Variants in ARHGEF10 observed in about 807,000 individuals in gnomAD.
The protein encoded by ARHGEF10 is Rho guanine nucleotide exchange factor (GEF) 10.
In ARHGEF10, 140 loss-of-function variants were observed where a neutral mutation model predicts 147.4. That is an observed-to-expected ratio of 0.95 (90% confidence interval 0.83 to 1.09). The LOEUF (loss-of-function observed/expected upper bound fraction) is 1.09, where lower values mean the gene tolerates loss of function less well. Ranked by LOEUF, ARHGEF10 falls within the 50% of genes least tolerant of loss-of-function variation. ARHGEF10 has a pLI of 0.00. For missense variants in ARHGEF10, 2,222 were observed against 1,752.7 expected (o/e 1.27, Z -4.78); for synonymous variants, 902 against 695.8 (o/e 1.30, Z -4.67).
chr8:1,849,945 CAG>C (rs1283638206), intron 2 of ARHGEF10, among the ~76,000 whole-genome samples: 24 of 127,978 alleles, frequency 1.9e-4, no homozygotes, highest in South Asian at 5.3e-4. Flanking sequence ...TGCGTGGACA[CAG>C]AGGGCAAATG....
At chr8:1,844,596 A>C (rs149844306) in intron 2 of ARHGEF10, among the ~76,000 whole-genome samples, 1 of 152,232 alleles carries the variant, frequency 6.6e-6, no homozygotes, top group East Asian at 1.9e-4. Flanking sequence ...CGGAGCCGCA[A>C]GACCACGGGG....
intron 9 of ARHGEF10, among the ~76,000 whole-genome samples, chr8:1,880,504 T>G (rs956031037): frequency 6.6e-6 from 1 of 152,206 alleles, no homozygotes; most frequent in Non-Finnish European, 1.5e-5. Context: ...TTCATCAATG[T>G]TATTTAAGAT....
intron 8 of ARHGEF10, among the ~76,000 whole-genome samples, chr8:1,878,837 C>T (rs962465329): frequency 1.3e-5 from 2 of 152,134 alleles, no homozygotes; most frequent in African/African-American, 2.4e-5. Context: ...GGCGAAGGAG[C>T]TGGGGAAAGC....
In ARHGEF10 at chr8:1,843,412, G is replaced by C; in HGVS notation, c.13G>C (p.Glu5Gln). ...CTGGAGCTGCAGCATGGACCAGCGA[G>C]AGCCCCTGCCTCCCGCTCCTGCAGG... is the stretch of plus-strand genomic sequence containing the variant. MDQR[E>Q]PLPPAPAENE... is the part of the protein sequence containing the mutation. The change falls in exon 2 of 29, where the codon GAG (glutamate) becomes CAG (glutamine). Residue 5 changes from glutamate (E) to glutamine (Q), a missense_variant. Physicochemically the swap from Glu to Gln is conservative, Grantham distance 29. Transcript: ENST00000349830. 1.2e-6 allele frequency: 2 copies of C among 1,613,282 alleles called. No individual in the cohort carries two copies. Among genetic ancestry groups the C allele is most frequent in the Non-Finnish European group, 1.7e-6 (2 of 1,179,982 alleles).
At chr8:1,832,846 GCA>G (rs1803270875) in intron 1 of ARHGEF10, among the ~76,000 whole-genome samples, 1 of 68,512 alleles carries the variant, frequency 1.5e-5, no homozygotes, top group African/African-American at 5.9e-5. Flanking sequence ...AGAGACAGAG[GCA>G]GAGAGAGACA....
chr8:1,827,661 C>G (rs1475593834), intron 1 of ARHGEF10, among the ~76,000 whole-genome samples: 8 of 152,284 alleles, frequency 5.3e-5, no homozygotes, highest in Non-Finnish European at 7.4e-5. Flanking sequence ...ATTGCCATTT[C>G]CTGCTTTTTG....
chr8:1,887,383 C>T (rs1024372918), intron 11 of ARHGEF10, among the ~76,000 whole-genome samples: 6 of 151,950 alleles, frequency 3.9e-5, no homozygotes, highest in African/African-American at 1.2e-4. Context: ...GGGCAGGATG[C>T]GGGGGTGAGT....
intron 26 of ARHGEF10, among the ~76,000 whole-genome samples, chr8:1,941,657 A>G (rs1814102224): frequency 6.6e-6 from 1 of 152,164 alleles, no homozygotes; most frequent in South Asian, 2.1e-4. Flanking sequence ...GAATAGCCAA[A>G]ACAATCTAGA....
At chr8:1,845,261 C>T (rs927170850) in intron 2 of ARHGEF10, among the ~76,000 whole-genome samples, 2 of 152,324 alleles carry the variant, frequency 1.3e-5, no homozygotes, top group South Asian at 2.1e-4. Context: ...TTACCCTCCA[C>T]GGGCCCACTT....
chr8:1,873,875 A>G (rs1009922143), intron 7 of ARHGEF10, among the ~76,000 whole-genome samples: 5 of 145,014 alleles, frequency 3.4e-5, no homozygotes, highest in Admixed American at 2.8e-4. Context: ...TTTTTTTTTT[A>G]TTGTGTCAGG....
At chr8:1,873,972 G>T (rs537221701) in intron 7 of ARHGEF10, among the ~76,000 whole-genome samples, 2 of 152,204 alleles carry the variant, frequency 1.3e-5, no homozygotes, top group Non-Finnish European at 2.9e-5. Context: ...GCCTCCATAG[G>T]CCACTTTTTA....
chr8:1,903,504 A>T, intron 16 of ARHGEF10, 53 bp downstream of exon 16: 1 of 1,603,142 alleles, frequency 6.2e-7, no homozygotes, highest in Non-Finnish European at 8.5e-7. Flanking sequence ...GCTTTGTGCT[A>T]ATAAGCTGTC....
intron 1 of ARHGEF10, among the ~76,000 whole-genome samples, chr8:1,828,156 C>T (rs923101156): frequency 5.9e-5 from 9 of 152,212 alleles, no homozygotes; most frequent in Admixed American, 5.2e-4. Flanking sequence ...CCAGGTGAGT[C>T]GGGGTGAGTC....
chr8:1,832,088 G>A (rs1418047719), intron 1 of ARHGEF10, among the ~76,000 whole-genome samples: 1 of 152,144 alleles, frequency 6.6e-6, no homozygotes, highest in Non-Finnish European at 1.5e-5. Context: ...GTGGGTCGAG[G>A]GTGGTTTAGT....
intron 2 of ARHGEF10, among the ~76,000 whole-genome samples, chr8:1,854,579 A>T (rs1410618109): frequency 6.6e-6 from 1 of 152,184 alleles, no homozygotes; most frequent in African/African-American, 2.4e-5. Context: ...GACAGCAGAG[A>T]GCTCTTGAAT....
At chr8:1,929,745 G>C (rs1812971751) in intron 25 of ARHGEF10, among the ~76,000 whole-genome samples, 1 of 152,210 alleles carries the variant, frequency 6.6e-6, no homozygotes, top group Non-Finnish European at 1.5e-5. Context: ...GCCTCCTTCA[G>C]CATGTCCTGC....
chr8:1,874,550 G>A (rs1051056343), intron 7 of ARHGEF10, among the ~76,000 whole-genome samples: 1 of 152,260 alleles, frequency 6.6e-6, no homozygotes, highest in South Asian at 2.1e-4. Flanking sequence ...CGAGGAAATA[G>A]GGGATGGAGT....
chr8:1,911,502 G>T lies in ARHGEF10; in HGVS notation c.2143+2032G>T, dbSNP rs1811351250. ...CTAATTCTGTATGTGTCTGAAGATA[G>T]AACTCAAGTCAGAATTCTCTGGGGC... On this transcript the variant is annotated intron_variant, in intron 18 of 28. Coordinates refer to ENST00000349830, the MANE Select transcript of ARHGEF10 (RefSeq NM_014629.4). Among the ~76,000 whole-genome samples, 4 of 152,190 alleles carry T rather than the reference G, an allele frequency of 2.6e-5. No homozygotes were observed. In the South Asian group the frequency reaches 8.3e-4, roughly 31 times the overall value.
At chr8:1,866,665 G>GGGCC in intron 6 of ARHGEF10, 63 bp downstream of exon 6, 1 of 1,491,478 alleles carries the variant, frequency 6.7e-7, no homozygotes, top group Non-Finnish European at 9.2e-7. Context: ...CACTGCGGCG[G>GGGCC]GGCCGGGTCC....
Sources: gnomAD v4.1 joint callset for allele counts (sites outside exome capture counted in the v4.1 genomes callset) on GRCh38, gnomAD v4.1.1 for gene constraint, MANE v1.5 for transcripts, NCBI Gene and HGNC (gene_info 2026-07-23, HGNC 2026-07-21) for gene names.